Variants in PI4K2B observed in about 807,000 individuals in gnomAD.
PI4K2B encodes the protein phosphatidylinositol 4-kinase type 2-beta.
Under a neutral mutation model 56.6 loss-of-function variants are expected in PI4K2B, and 46 were observed. The observed-to-expected ratio is 0.81, with a 90% CI of 0.64 to 1.04. The LOEUF is 1.04. PI4K2B is among the 50% of genes least tolerant of loss of function. The probability of loss-of-function intolerance (pLI) is 0.00; values close to 1 mark genes in which losing one functional copy is unlikely to be tolerated. For synonymous variants in PI4K2B, 211 were observed against 223.8 expected (o/e 0.94, Z 0.51); for missense variants, 556 against 607.7 (o/e 0.91, Z 0.89).
chr4:25,238,055 T>G (rs752322950), intron 1 of PI4K2B, among the ~76,000 whole-genome samples: 5 of 152,256 alleles, frequency 3.3e-5, no homozygotes, highest in Non-Finnish European at 7.3e-5. Flanking sequence ...GTAAGTCATT[T>G]AATGATTCAT....
At chr4:25,253,052 G>A (rs2109097269) in intron 2 of PI4K2B, among the ~76,000 whole-genome samples, 1 of 152,270 alleles carries the variant, frequency 6.6e-6, no homozygotes, top group Middle Eastern at 3.4e-3. Flanking sequence ...GCCTTTTTGA[G>A]TATATATATT....
chr4:25,249,019 C>G (rs904926502), intron 1 of PI4K2B, among the ~76,000 whole-genome samples: 2 of 151,994 alleles, frequency 1.3e-5, no homozygotes, highest in East Asian at 1.9e-4. Context: ...TGACTCTTAA[C>G]GAGTATGCTG....
intron 9 of PI4K2B, among the ~76,000 whole-genome samples, chr4:25,270,441 GT>G (rs1716843566): frequency 6.6e-6 from 1 of 151,990 alleles, no homozygotes; most frequent in African/African-American, 2.4e-5. Flanking sequence ...TGTCTCCCAG[GT>G]TCAAGCGATT....
chr4:25,268,890 A>G (rs1215814339), intron 8 of PI4K2B, among the ~76,000 whole-genome samples: 3 of 152,200 alleles, frequency 2.0e-5, no homozygotes, highest in African/African-American at 7.2e-5. Flanking sequence ...TTCTCTTAAA[A>G]AGCCTAAATT....
At position 25,256,614 on chromosome 4, in the gene PI4K2B, T is replaced by A; in HGVS notation, c.696T>A (p.Tyr232Ter). 2 of 1,613,966 alleles carry A rather than the reference T, an allele frequency of 1.2e-6. No individual in the cohort carries two copies. The highest frequency in any genetic ancestry group is 1.7e-6 in the Non-Finnish European group (2 of 1,179,908). The change falls in exon 4 of 10, where the codon TAT (tyrosine) becomes TAA (stop). Residue 232 changes from tyrosine (Y) to a stop codon, truncating the protein, a stop_gained. Transcript: ENST00000264864. LOFTEE classifies it high-confidence loss of function. Reference sequence around the variant, plus strand: ...GTGCAAAATCAAGAGGCAAAAAGTATGCTTTAGAAAAAGTGCCAAAAGTGG... The same window carrying A: ...GTGCAAAATCAAGAGGCAAAAAGTAAGCTTTAGAAAAAGTGCCAAAAGTGG... ...IDRAKSRGKK[Y>*]ALEKVPKVGR...
rs1381613769 is a variant in PI4K2B at position 25,279,018 on chromosome 4, T to G, written c.*1831T>G. The G allele has an allele frequency of 1.3e-5, 2 of 151,582 alleles. No homozygotes were observed. The highest frequency in any genetic ancestry group is 3.9e-4 in the East Asian group (2 of 5,190). 9.4% of individuals were successfully genotyped at this position (151,582 alleles called of 1,614,324 possible). On this transcript the variant is annotated 3_prime_UTR_variant, in exon 10 of 10. Coordinates refer to ENST00000264864, the MANE Select transcript of PI4K2B (RefSeq NM_018323.4). Reference sequence around the variant, plus strand: ...CTGAATTCTTATTTAAATAGTATGGTTTTTTTTCAATAAGTATATTTATAG... The same window carrying G: ...CTGAATTCTTATTTAAATAGTATGGGTTTTTTTCAATAAGTATATTTATAG...
chr4:25,276,800 TGTG>T, intron 9 of PI4K2B: 2 of 845,130 alleles, frequency 2.4e-6, no homozygotes. Context: ...TAATGCTAAT[TGTG>T]TGTGTGTGTG....
intron 1 of PI4K2B, among the ~76,000 whole-genome samples, chr4:25,242,051 G>A (rs1715548351): frequency 6.6e-6 from 1 of 152,174 alleles, no homozygotes; most frequent in African/African-American, 2.4e-5. Context: ...CCACTTAACT[G>A]TTTTAATGTC....
intron 4 of PI4K2B, among the ~76,000 whole-genome samples, chr4:25,258,079 CA>C (rs1386037032): frequency 1.3e-5 from 2 of 152,042 alleles, no homozygotes; most frequent in Non-Finnish European, 2.9e-5. Flanking sequence ...ATCTTAGTAA[CA>C]AAAATGCCTT....
rs573391093 is a variant in PI4K2B at position 25,277,201 on chromosome 4, A to G, written c.*14A>G. 3 of 1,604,728 alleles carry G rather than the reference A, an allele frequency of 1.9e-6. No individual in the cohort carries two copies. Among genetic ancestry groups the G allele is most frequent in the African/African-American group, 2.7e-5 (2 of 74,768 alleles). On this transcript the variant is annotated 3_prime_UTR_variant, in exon 10 of 10. Coordinates refer to ENST00000264864, the MANE Select transcript of PI4K2B (RefSeq NM_018323.4). ...TCCTCCTGGTAGTAAATGTCAGAGT[A>G]AGAGAAACAAACTGTTTAGAATTAT...
chr4:25,254,655 C>T lies in PI4K2B; in HGVS notation c.424-410C>T, dbSNP rs561325644. 5.3e-5 allele frequency among the ~76,000 whole-genome samples: 8 copies of T among 152,134 alleles called. No homozygotes were observed. The South Asian group carries it at 1.0e-3, about 20-fold the overall frequency. On this transcript the variant is annotated intron_variant, in intron 2 of 9. Coordinates refer to ENST00000264864, the MANE Select transcript of PI4K2B (RefSeq NM_018323.4). The stretch of plus-strand genomic sequence containing the variant: ...GTCTCGATCTCCTGACCTCATGATC[C>T]GCCCGCCTCGGCCTCCCAAAGTGCT...
chr4:25,255,037 T>A, intron 2 of PI4K2B, 28 bp from the exon 3 acceptor site: 1 of 1,467,172 alleles, frequency 6.8e-7, no homozygotes, highest in South Asian at 1.2e-5. Context: ...GTAAAAAGTC[T>A]AATAAGATTT....
At position 25,277,455 on chromosome 4, in the gene PI4K2B, A is replaced by T; in HGVS notation, c.*268A>T. ...TTGTTAGTTTAAAAGGTAATTTTAC[A>T]CATGCTGGAATGACTGTAATTACTC... On this transcript the variant is annotated 3_prime_UTR_variant, in exon 10 of 10. Coordinates refer to ENST00000264864, the MANE Select transcript of PI4K2B (RefSeq NM_018323.4). 1.6e-5 allele frequency: 4 copies of T among 244,824 alleles called. No homozygotes were observed. The highest frequency in any genetic ancestry group is 3.1e-5 in the Non-Finnish European group (4 of 127,096). 15.2% of individuals were successfully genotyped at this position (244,824 alleles called of 1,614,324 possible). A position where few individuals can be genotyped will look rare whatever the true frequency, so the allele number is the denominator to read the frequency against.
rs1202898521 is a variant in PI4K2B at position 25,234,269 on chromosome 4, G to A, written c.106G>A (p.Ala36Thr). 10 of 1,423,586 alleles carry A rather than the reference G, an allele frequency of 7.0e-6. No individual in the cohort carries two copies. Among genetic ancestry groups the A allele is most frequent in the Non-Finnish European group, 9.2e-6 (10 of 1,085,068 alleles). 88.2% of individuals were successfully genotyped at this position (1,423,586 alleles called of 1,614,324 possible). The part of the protein sequence containing the change: ...REPLLPRIAW[A>T]HPRRGAPGSA... The stretch of plus-strand genomic sequence containing the variant: ...GCCGCTGCTACCGCGGATCGCCTGG[G>A]CCCACCCGCGGAGAGGCGCCCCAGG... The change falls in exon 1 of 10, where the codon GCC becomes ACC. Residue 36 changes from alanine (A) to threonine (T), a missense_variant. Physicochemically the swap from Ala to Thr is moderately conservative, Grantham distance 58. Transcript: ENST00000264864.
intron 1 of PI4K2B, among the ~76,000 whole-genome samples, chr4:25,239,198 G>A (rs911201248): frequency 1.2e-4 from 18 of 152,188 alleles, no homozygotes; most frequent in Non-Finnish European, 2.4e-4. Context: ...TCCCACACTG[G>A]GGCCACAGGT....
chr4:25,276,969 C>G lies in PI4K2B; in HGVS notation c.1273-45C>G, dbSNP rs746312651. ...TTTAAAAAATGTCAGTGAAGTGAAG[C>G]TTTTTATCTTTTTAAATTGGTAAAA... is the stretch of plus-strand genomic sequence containing the variant. On this transcript the variant is annotated intron_variant, in intron 9 of 9. Coordinates refer to ENST00000264864, the MANE Select transcript of PI4K2B (RefSeq NM_018323.4). 1.1e-5 allele frequency: 16 copies of G among 1,461,960 alleles called. No individual in the cohort carries two copies. The East Asian group carries it at 3.5e-4, about 32-fold the overall frequency. 90.6% of individuals were successfully genotyped at this position (1,461,960 alleles called of 1,614,324 possible). A position where few individuals can be genotyped will look rare whatever the true frequency, so the allele number is the denominator to read the frequency against.
chr4:25,239,778 A>G (rs1051780143), intron 1 of PI4K2B, among the ~76,000 whole-genome samples: 1 of 152,362 alleles, frequency 6.6e-6, no homozygotes, highest in African/African-American at 2.4e-5. Context: ...AAGGGCTACC[A>G]GCACACTGTC....
chr4:25,246,895 G>A (rs751238573), intron 1 of PI4K2B, among the ~76,000 whole-genome samples: 1 of 152,232 alleles, frequency 6.6e-6, no homozygotes, highest in Non-Finnish European at 1.5e-5. Flanking sequence ...GGCGGGGCAG[G>A]CCGGCTGCTC....
Position 25,256,665 on chromosome 4 carries a change from C to G in PI4K2B, c.747C>G (p.Leu249=), listed in dbSNP as rs267600132. ...KVGRKFHRIG[L]PPKIGSFQLF... is the part of the protein sequence containing the mutation. Reference sequence around the variant, plus strand: ...GTAGAAAGTTTCATAGGATAGGACTCCCTCCTAAGGTAAGTTTCTCTGATA... The same window carrying G: ...GTAGAAAGTTTCATAGGATAGGACTGCCTCCTAAGGTAAGTTTCTCTGATA... Residue 249 remains leucine, a synonymous_variant, in exon 4 of 10, where the codon CTC becomes CTG. Coordinates refer to ENST00000264864, the MANE Select transcript of PI4K2B (RefSeq NM_018323.4). The G allele has an allele frequency of 3.1e-6, 5 of 1,613,106 alleles. No homozygotes were observed. The highest frequency in any genetic ancestry group is 4.2e-6 in the Non-Finnish European group (5 of 1,179,580).
Sources: gnomAD v4.1 joint callset for allele counts (sites outside exome capture counted in the v4.1 genomes callset) on GRCh38, gnomAD v4.1.1 for gene constraint, MANE v1.5 for transcripts, NCBI Gene and HGNC (gene_info 2026-07-23, HGNC 2026-07-21) for gene names.